SEC22A: variants seen among roughly 807,000 people sequenced by gnomAD.
The protein encoded by SEC22A is vesicle-trafficking protein SEC22a.
SEC22A carries 22 observed loss-of-function variants against 35.3 expected under a neutral mutation model. The observed-to-expected ratio is 0.62, with a 90% CI of 0.45 to 0.89. The LOEUF is 0.89. SEC22A is among the 40% of genes least tolerant of loss of function. The probability of loss-of-function intolerance (pLI) is 0.00; values close to 1 mark genes in which losing one functional copy is unlikely to be tolerated. For synonymous variants in SEC22A, 119 were observed against 129.5 expected, an observed-to-expected ratio of 0.92 and a Z score of 0.55; for missense variants, 354 against 362.5, an observed-to-expected ratio of 0.98 and a Z score of 0.19.
At chr3:123,235,952 G>A (rs1179118605) in intron 4 of SEC22A, among the ~76,000 whole-genome samples, 1 of 152,148 alleles carries the variant, frequency 6.6e-6, no homozygotes, top group African/African-American at 2.4e-5. Context: ...TCACAAGAAG[G>A]TCACATATTA....
chr3:123,255,482 T>TACACACACACAC (rs965205415), intron 5 of SEC22A, among the ~76,000 whole-genome samples: 1 of 151,396 alleles, frequency 6.6e-6, no homozygotes, highest in Non-Finnish European at 1.5e-5. Flanking sequence ...CACACACACA[T>TACACACACACAC]ACACACACAC....
At chr3:123,208,066 G>T (rs1208963977) in intron 1 of SEC22A, among the ~76,000 whole-genome samples, 1 of 152,010 alleles carries the variant, frequency 6.6e-6, no homozygotes, top group African/African-American at 2.4e-5. Context: ...TTCTGCATCC[G>T]TTTTTCAATC....
intron 4 of SEC22A, among the ~76,000 whole-genome samples, chr3:123,242,690 A>G (rs1483263927): frequency 6.6e-6 from 1 of 152,182 alleles, no homozygotes; most frequent in African/African-American, 2.4e-5. Flanking sequence ...CTAAGTGCTA[A>G]TTGTGAAGAT....
At chr3:123,206,940 G>T (rs13433907) in intron 1 of SEC22A, among the ~76,000 whole-genome samples, 29,854 of 152,018 alleles carry the variant, frequency 0.2, 3,028 homozygotes, top group Middle Eastern at 0.28. Flanking sequence ...ATACAAAAAT[G>T]AGCTGGGTGT....
chr3:123,218,959 A>G (rs1157699700), intron 2 of SEC22A, among the ~76,000 whole-genome samples: 3 of 152,248 alleles, frequency 2.0e-5, no homozygotes, highest in African/African-American at 7.2e-5. Flanking sequence ...CAACAAAAAT[A>G]TATTAATATA....
At chr3:123,219,375 G>A (rs1179295151) in intron 2 of SEC22A, among the ~76,000 whole-genome samples, 1 of 152,064 alleles carries the variant, frequency 6.6e-6, no homozygotes, top group Non-Finnish European at 1.5e-5. Flanking sequence ...TTGTGGCTTG[G>A]AAAAAGTGAA....
At chr3:123,263,670 T>C (rs922395690) in intron 6 of SEC22A, among the ~76,000 whole-genome samples, 2 of 152,060 alleles carry the variant, frequency 1.3e-5, no homozygotes, top group Non-Finnish European at 2.9e-5. Context: ...TGCGCCACCA[T>C]GCCTGGCTAA....
intron 1 of SEC22A, chr3:123,208,793 T>A (rs559645725): frequency 5.4e-6 from 1 of 183,978 alleles, no homozygotes; most frequent in Admixed American, 5.4e-5. Context: ...TAATTAGTTT[T>A]TTGTTTTTTT....
chr3:123,235,319 C>T (rs28810987), intron 4 of SEC22A, among the ~76,000 whole-genome samples: 29,921 of 152,128 alleles, frequency 0.2, 3,044 homozygotes, highest in Middle Eastern at 0.28. Context: ...ATGTAAATAA[C>T]TGTTACAACT....
At chr3:123,225,367 GA>G in intron 4 of SEC22A, 70 bp downstream of exon 4, 2 of 912,878 alleles carry the variant, frequency 2.2e-6, no homozygotes, top group Non-Finnish European at 3.3e-6. Flanking sequence ...TCTTGAAAAT[GA>G]ATTACTTTAT....
intron 2 of SEC22A, among the ~76,000 whole-genome samples, chr3:123,210,418 T>C (rs1411791585): frequency 6.6e-6 from 1 of 152,156 alleles, no homozygotes. Flanking sequence ...AGGAACTGGA[T>C]GAATAATGTA....
intron 1 of SEC22A, among the ~76,000 whole-genome samples, chr3:123,203,042 C>T: frequency 1.2e-5 from 1 of 86,214 alleles, no homozygotes; most frequent in African/African-American, 5.1e-5. Context: ...ACCATCACAT[C>T]TGTTTAGTGC....
chr3:123,226,399 G>A (rs979952992), intron 4 of SEC22A, among the ~76,000 whole-genome samples: 3 of 152,200 alleles, frequency 2.0e-5, no homozygotes, highest in Non-Finnish European at 2.9e-5. Flanking sequence ...TAACTGAGGT[G>A]AAATGATGTC....
intron 5 of SEC22A, among the ~76,000 whole-genome samples, chr3:123,250,074 T>C (rs1427217972): frequency 6.6e-6 from 1 of 152,198 alleles, no homozygotes; most frequent in Non-Finnish European, 1.5e-5. Flanking sequence ...TTAAAAAGTC[T>C]ATTTTAAAAA....
At chr3:123,215,678 G>A (rs969133954) in intron 2 of SEC22A, among the ~76,000 whole-genome samples, 1 of 152,172 alleles carries the variant, frequency 6.6e-6, no homozygotes, top group Non-Finnish European at 1.5e-5. Flanking sequence ...AATAGTAAAT[G>A]ATATATATGA....
chr3:123,204,000 G>T (rs1190132323), intron 1 of SEC22A, among the ~76,000 whole-genome samples: 1 of 152,088 alleles, frequency 6.6e-6, no homozygotes, highest in Admixed American at 6.6e-5. Context: ...GCAAAATGGC[G>T]GAAATTCCAT....
intron 4 of SEC22A, among the ~76,000 whole-genome samples, chr3:123,230,962 A>G (rs183368028): frequency 6.6e-6 from 1 of 152,274 alleles, no homozygotes; most frequent in Admixed American, 6.5e-5. Context: ...AAATAGATTG[A>G]AAGTCAAAGG....
intron 6 of SEC22A, among the ~76,000 whole-genome samples, chr3:123,260,858 C>T (rs1251278580): frequency 2.3e-4 from 30 of 129,558 alleles, no homozygotes; most frequent in African/African-American, 6.3e-4. Context: ...TTTTTTTTGA[C>T]GGAGTCTCGC....
At chr3:123,243,929 A>T (rs1370773963) in intron 4 of SEC22A, 1 of 152,218 alleles carries the variant, frequency 6.6e-6, no homozygotes. Flanking sequence ...AGGAGAAGGC[A>T]ATAATAACAA....
Sources: allele counts gnomAD v4.1 joint callset (sites outside exome capture counted in the v4.1 genomes callset), GRCh38; gene constraint gnomAD v4.1.1; transcripts MANE v1.5; gene names NCBI Gene and HGNC (gene_info 2026-07-23, HGNC 2026-07-21).